The following ATG7 variants were observed in gnomAD, a reference collection of about 807,000 sequenced individuals.
ATG7 encodes ubiquitin-like modifier-activating enzyme ATG7.
In ATG7, 70 loss-of-function variants were observed where a neutral mutation model predicts 82.4. The ratio of observed to expected loss-of-function variants is 0.85; its 90% CI spans 0.70 to 1.04. The LOEUF (loss-of-function observed/expected upper bound fraction) is 1.04, where lower values mean the gene tolerates loss of function less well. Ranked by LOEUF, ATG7 falls within the 50% of genes least tolerant of loss-of-function variation. The pLI, the probability that ATG7 is intolerant of heterozygous loss-of-function variation, is 0.00. For missense variants in ATG7, 792 were observed against 864.3 expected, an observed-to-expected ratio of 0.92 and a Z score of 1.05; for synonymous variants, 287 against 313.0, an observed-to-expected ratio of 0.92 and a Z score of 0.88.
In ATG7 at chr3:11,355,868, CAT is replaced by C. The variant is rs1434274181; in HGVS notation, c.1285-2544_1285-2543del. Among the ~76,000 whole-genome samples the C allele has an allele frequency of 2.0e-5, 3 of 152,214 alleles. No homozygotes were observed. In the East Asian group the frequency reaches 5.8e-4, roughly 29 times the overall value. On this transcript the variant is annotated intron_variant, in intron 14 of 20. Coordinates refer to ENST00000693202, the MANE Select transcript of ATG7 (RefSeq NM_001349232.2). ...GATCTTTACCTAAGAGAAATGAAAA[CAT>C]ATATACATGAAAATACTTATACAAA...
At chr3:11,508,471 A>C (rs2153072241) in intron 20 of ATG7, among the ~76,000 whole-genome samples, 1 of 152,294 alleles carries the variant, frequency 6.6e-6, no homozygotes, top group East Asian at 1.9e-4. Context: ...TTTTTTAAAT[A>C]AGAGACAGAG....
chr3:11,356,200 A>G (rs1414607202), intron 14 of ATG7, among the ~76,000 whole-genome samples: 4 of 152,202 alleles, frequency 2.6e-5, no homozygotes, highest in Admixed American at 6.5e-5. Flanking sequence ...CGTCATGAAA[A>G]TGTTCTATAT....
At chr3:11,565,007 G>C in the ATG7 span, 1 of 1,495,472 alleles carries the variant, frequency 6.7e-7, no homozygotes, top group African/African-American at 1.4e-5. The surrounding 1 kb of genome is among the most constrained non-coding windows in gnomAD (Gnocchi z 4.1). Context: ...AGTCTCCATT[G>C]GCAGTCTTGT....
chr3:11,354,423 G>T (rs1039211832), intron 14 of ATG7, among the ~76,000 whole-genome samples: 2 of 152,102 alleles, frequency 1.3e-5, no homozygotes, highest in African/African-American at 2.4e-5. Context: ...GCTGAGGCGG[G>T]TGGATCACGA....
At chr3:11,544,105 C>T (rs1294985789) in intron 20 of ATG7, among the ~76,000 whole-genome samples, 2 of 152,236 alleles carry the variant, frequency 1.3e-5, no homozygotes, top group Non-Finnish European at 2.9e-5. Context: ...GCAGTCACAC[C>T]GGCCATCCTT....
the ATG7 span, among the ~76,000 whole-genome samples, chr3:11,573,379 GAAAGAAAGAAAGAA>G: frequency 3.4e-5 from 5 of 145,016 alleles, no homozygotes; most frequent in African/African-American, 5.1e-5. Context: ...AAGAAAGAAA[GAAAGAAAGAAAGAA>G]AGAAAATGGC....
chr3:11,488,466 C>G, intron 20 of ATG7: 1 of 1,283,618 alleles, frequency 7.8e-7, no homozygotes, highest in Non-Finnish European at 1.0e-6. Flanking sequence ...GCAGCGGCTC[C>G]GCTTCATATC....
intron 18 of ATG7, among the ~76,000 whole-genome samples, chr3:11,374,299 C>G (rs1221146057): frequency 6.6e-6 from 1 of 152,168 alleles, no homozygotes; most frequent in Non-Finnish European, 1.5e-5. Context: ...CAAAAATAAA[C>G]CCTTAATGGC....
chr3:11,385,971 T>G (rs1275168197), intron 19 of ATG7, among the ~76,000 whole-genome samples: 2 of 152,228 alleles, frequency 1.3e-5, no homozygotes, highest in Non-Finnish European at 2.9e-5. Flanking sequence ...GCTGCTGTTT[T>G]GAATTTTACA....
the ATG7 span, chr3:11,568,944 G>A: frequency 2.8e-4 from 345 of 1,220,920 alleles, no homozygotes; most frequent in African/African-American, 4.8e-4. This position sits in a 1 kb window ranked among gnomAD's most constrained non-coding sequence, Gnocchi z 5.9. Flanking sequence ...AGCTGCCCAC[G>A]GAGAGAAAGA....
Position 11,331,295 on chromosome 3 carries a change from C to G in ATG7, c.679-45C>G, listed in dbSNP as rs369332323. ...TATGAGCAATGTCTGTATTGTGAAG[C>G]TGACATGATACTCGACTTACTCAGA... On this transcript the variant is annotated intron_variant, in intron 9 of 20. Transcript: ENST00000693202. 18 of 1,431,800 alleles carry G rather than the reference C, an allele frequency of 1.3e-5. No individual in the cohort carries two copies. The African/African-American group carries it at 2.4e-4, about 19-fold the overall frequency. 88.7% of individuals were successfully genotyped at this position (1,431,800 alleles called of 1,614,324 possible). A position where few individuals can be genotyped will look rare whatever the true frequency, so the allele number is the denominator to read the frequency against.
At chr3:11,332,144 A>G (rs1951742947) in intron 10 of ATG7, among the ~76,000 whole-genome samples, 1 of 151,532 alleles carries the variant, frequency 6.6e-6, no homozygotes, top group African/African-American at 2.4e-5. Flanking sequence ...GTTCTTCAAT[A>G]ATGAAATGAA....
Position 11,347,860 on chromosome 3 carries a change from C to T in ATG7, c.1126-17C>T, listed in dbSNP as rs1243102262. On this transcript the variant is annotated splice_polypyrimidine_tract_variant and intron_variant, in intron 13 of 20. Transcript: ENST00000693202. ...ATGTTCATCAGAAACACACCATGATCTCCTGTTTCCACACAGGGTTGGGGC... is the reference window on the plus strand; with the variant it reads ...ATGTTCATCAGAAACACACCATGATTTCCTGTTTCCACACAGGGTTGGGGC... The T allele has an allele frequency of 6.2e-6, 10 of 1,609,458 alleles. No individual in the cohort carries two copies. Among genetic ancestry groups the T allele is most frequent in the Non-Finnish European group, 8.5e-6 (10 of 1,177,014 alleles).
At chr3:11,538,327 T>A (rs901527583) in intron 20 of ATG7, among the ~76,000 whole-genome samples, 1 of 152,142 alleles carries the variant, frequency 6.6e-6, no homozygotes, top group African/African-American at 2.4e-5. Context: ...GATAGCTCTC[T>A]TGGCAAAACA....
chr3:11,352,787 A>G (rs1002376337), intron 14 of ATG7, among the ~76,000 whole-genome samples: 9 of 152,232 alleles, frequency 5.9e-5, no homozygotes, highest in African/African-American at 1.9e-4. Flanking sequence ...AGTGTGGGGC[A>G]TGTGCCAGGG....
the ATG7 span, among the ~76,000 whole-genome samples, chr3:11,573,267 GAA>G: frequency 4.3e-3 from 38 of 8,766 alleles, 1 homozygote; most frequent in South Asian, 0.031. Flanking sequence ...AAGAAAGAAA[GAA>G]AGAAAGAAAG....
At chr3:11,539,294 TTAAA>T (rs904735036) in intron 20 of ATG7, among the ~76,000 whole-genome samples, 1 of 152,150 alleles carries the variant, frequency 6.6e-6, no homozygotes, top group Non-Finnish European at 1.5e-5. Context: ...CACAAAGAGA[TTAAA>T]TAAATAGCCT....
intron 5 of ATG7, 61 bp downstream of exon 5, chr3:11,299,477 A>C: frequency 5.3e-6 from 8 of 1,504,030 alleles, no homozygotes; most frequent in Non-Finnish European, 7.4e-6. Context: ...AGGAATAAGC[A>C]TGCTTGCCTC....
intron 11 of ATG7, among the ~76,000 whole-genome samples, chr3:11,335,875 C>G (rs1165906801): frequency 6.6e-6 from 1 of 151,662 alleles, no homozygotes; most frequent in Non-Finnish European, 1.5e-5. Context: ...GTTTTTGTAT[C>G]TTTAGTAGAG....
Sources: allele counts gnomAD v4.1 joint callset (sites outside exome capture counted in the v4.1 genomes callset), GRCh38; gene constraint gnomAD v4.1.1; non-coding constraint Gnocchi (gnomAD v3.1); transcripts MANE v1.5; gene names NCBI Gene and HGNC (gene_info 2026-07-23, HGNC 2026-07-21).